OPN3: variants seen among roughly 807,000 people sequenced by gnomAD.
The protein encoded by OPN3 is opsin 3, also known as opsin-3.
In OPN3, 29 loss-of-function variants were observed where a neutral mutation model predicts 33.8. The observed-to-expected ratio is 0.86, with a 90% CI of 0.64 to 1.17. OPN3 has a LOEUF of 1.17. OPN3 is among the 50% of genes most tolerant of loss of function. The probability of loss-of-function intolerance (pLI) is 0.00; values close to 1 mark genes in which losing one functional copy is unlikely to be tolerated. For synonymous variants in OPN3, 216 were observed against 216.1 expected (o/e 1.00, Z 0.00); for missense variants, 437 against 514.1 (o/e 0.85, Z 1.45).
intron 1 of OPN3, among the ~76,000 whole-genome samples, chr1:241,619,812 C>T (rs1051411367): frequency 6.6e-6 from 1 of 152,156 alleles, no homozygotes; most frequent in African/African-American, 2.4e-5. Context: ...TAAAAGTGTT[C>T]CAGGACAAAT....
At chr1:241,611,493 CAAAAA>C (rs10645786) in intron 1 of OPN3, among the ~76,000 whole-genome samples, 3 of 123,178 alleles carry the variant, frequency 2.4e-5, no homozygotes, top group Non-Finnish European at 5.2e-5. Context: ...TTAACAAGGC[CAAAAA>C]AAAAAAAAAA....
At chr1:241,631,672 A>C (rs947175193) in intron 1 of OPN3, 1 of 152,140 alleles carries the variant, frequency 6.6e-6, no homozygotes, top group Non-Finnish European at 1.5e-5. Flanking sequence ...TCTTCAGATC[A>C]TGAGATGTGT....
chr1:241,610,817 AT>A (rs762621171), intron 1 of OPN3, among the ~76,000 whole-genome samples: 1 of 151,850 alleles, frequency 6.6e-6, no homozygotes, highest in African/African-American at 2.4e-5. Context: ...GATCAATTTC[AT>A]TTTTTTTCAC....
At position 241,639,903 on chromosome 1, in the gene OPN3, C is replaced by G. The variant is rs1314126541; in HGVS notation, c.352G>C (p.Gly118Arg). The G allele has an allele frequency of 1.3e-6, 2 of 1,591,480 alleles. No individual in the cohort carries two copies. The highest frequency in any genetic ancestry group is 1.7e-6 in the Non-Finnish European group (2 of 1,169,340). ...TCACCGAAGAGGCTGCCGCTAAACC[C>G]GTCCCACACGCAGCCCACGGTGTCC... ...VWDTVGCVWD[G>R]FSGSLFGIVS... The change falls in exon 1 of 4, where the codon GGG becomes CGG. Residue 118 changes from glycine to arginine, a missense_variant. Physicochemically the swap from Gly to Arg is moderately radical, Grantham distance 125 (BLOSUM62 -2). Transcript: ENST00000366554.
intron 1 of OPN3, chr1:241,633,854 A>G (rs745548979): frequency 1.9e-6 from 3 of 1,613,720 alleles, no homozygotes; most frequent in Non-Finnish European, 2.5e-6. Context: ...AGAGGATTCT[A>G]GTTTGGCCAT....
intron 1 of OPN3, among the ~76,000 whole-genome samples, chr1:241,626,049 A>G (rs960162041): frequency 1.3e-5 from 2 of 152,114 alleles, no homozygotes; most frequent in African/African-American, 2.4e-5. Context: ...TTTAGATGGA[A>G]CCTCTTATAT....
At chr1:241,627,701 A>G (rs1187848160) in intron 1 of OPN3, among the ~76,000 whole-genome samples, 1 of 152,176 alleles carries the variant, frequency 6.6e-6, no homozygotes, top group Non-Finnish European at 1.5e-5. Flanking sequence ...AAATGTGAAT[A>G]CATTTGGTTG....
intron 1 of OPN3, among the ~76,000 whole-genome samples, chr1:241,605,013 G>A (rs542174818): frequency 4.7e-5 from 7 of 148,888 alleles, no homozygotes; most frequent in African/African-American, 1.5e-4. Context: ...CTGAGATTGC[G>A]CCACTGCACA....
intron 3 of OPN3, chr1:241,595,597 C>G (rs1663482867): frequency 6.6e-6 from 1 of 152,156 alleles, no homozygotes; most frequent in African/African-American, 2.4e-5. Flanking sequence ...AATATATGGA[C>G]TTTCTCAGAT....
chr1:241,624,484 T>G (rs1558443686), intron 1 of OPN3, among the ~76,000 whole-genome samples: 1 of 152,196 alleles, frequency 6.6e-6, no homozygotes, highest in Non-Finnish European at 1.5e-5. Context: ...TTCCTAGATT[T>G]CCCTAGCAGG....
intron 1 of OPN3, among the ~76,000 whole-genome samples, chr1:241,621,877 T>A (rs983388863): frequency 1.3e-5 from 2 of 152,152 alleles, no homozygotes; most frequent in African/African-American, 2.4e-5. Context: ...TGGGATCAGT[T>A]CTGATCAACT....
rs750962346 is a variant in OPN3, at chr1:241,597,877, T to A, written c.814A>T (p.Ile272Phe). The A allele has an allele frequency of 5.6e-6, 9 of 1,613,844 alleles. No homozygotes were observed. In the Admixed American group the frequency reaches 1.2e-4, roughly 21 times the overall value. ...TTAACCACCAAGAAGCAGATCACGATATAAGGCATCCAACAGACCAGGAAG... is the reference window on the plus strand; with the variant it reads ...TTAACCACCAAGAAGCAGATCACGAAATAAGGCATCCAACAGACCAGGAAG... ...FTFLVCWMPYIVICFLVVNGH... is the reference protein window; with the variant it reads ...FTFLVCWMPYFVICFLVVNGH... The change falls in exon 3 of 4, where the codon ATC becomes TTC. Residue 272 changes from isoleucine (I) to phenylalanine (F), a missense_variant. Coordinates refer to ENST00000366554, the MANE Select transcript of OPN3 (RefSeq NM_014322.3).
chr1:241,640,259 C>T lies in OPN3; in HGVS notation c.-5G>A, dbSNP rs1665073916. Reference sequence around the variant, plus strand: ...GCTGCGGTTCCCCGAGTACATGGCCCGGCGCCGGCGCGCCTGGCGGGCGGA... The same window carrying T: ...GCTGCGGTTCCCCGAGTACATGGCCTGGCGCCGGCGCGCCTGGCGGGCGGA... On this transcript the variant is annotated 5_prime_UTR_variant, in exon 1 of 4. Transcript: ENST00000366554. The T allele has an allele frequency of 8.3e-7, 1 of 1,200,224 alleles. No individual in the cohort carries two copies. The highest frequency in any genetic ancestry group is 1.0e-6 in the Non-Finnish European group (1 of 969,716). 74.3% of individuals were successfully genotyped at this position (1,200,224 alleles called of 1,614,324 possible).
intron 2 of OPN3, among the ~76,000 whole-genome samples, chr1:241,602,252 C>G (rs770487478): frequency 2.6e-5 from 4 of 152,094 alleles, no homozygotes; most frequent in Non-Finnish European, 5.9e-5. Context: ...GAATCGATGG[C>G]AGGAGACCAC....
chr1:241,634,524 ATTCT>A (rs1664793684), intron 1 of OPN3: 2 of 1,613,978 alleles, frequency 1.2e-6, no homozygotes, highest in African/African-American at 1.3e-5. Context: ...CATCGTCCAG[ATTCT>A]TTGTCGACTA....
chr1:241,606,254 AG>A (rs1327930950), intron 1 of OPN3, among the ~76,000 whole-genome samples: 1 of 152,164 alleles, frequency 6.6e-6, no homozygotes, highest in Non-Finnish European at 1.5e-5. Context: ...AGTAACTTTG[AG>A]GTTTTTGGCT....
chr1:241,597,875 G>T lies in OPN3; in HGVS notation c.816C>A (p.Ile272=). Residue 272 remains isoleucine, a synonymous_variant, in exon 3 of 4, where the codon ATC becomes ATA. Coordinates refer to ENST00000366554, the MANE Select transcript of OPN3 (RefSeq NM_014322.3). ...FTFLVCWMPY[I]VICFLVVNGH... ...CATTAACCACCAAGAAGCAGATCAC[G>T]ATATAAGGCATCCAACAGACCAGGA... 3 of 1,613,850 alleles carry T rather than the reference G, an allele frequency of 1.9e-6. No homozygotes were observed. Among genetic ancestry groups the T allele is most frequent in the Non-Finnish European group, 1.7e-6 (2 of 1,179,946 alleles).
chr1:241,634,016 A>C lies in OPN3; in HGVS notation c.373+5866T>G, dbSNP rs1278882189. The C allele has an allele frequency of 2.5e-6, 4 of 1,613,870 alleles. No individual in the cohort carries two copies. The South Asian group carries it at 4.4e-5, about 18-fold the overall frequency. ...TTGCTTGACAGCATGCTCATTTCCCAGGCCACAGTCAGGCCCAGAGCAGAC... is the reference window on the plus strand; with the variant it reads ...TTGCTTGACAGCATGCTCATTTCCCCGGCCACAGTCAGGCCCAGAGCAGAC... On this transcript the variant is annotated intron_variant, in intron 1 of 3. Coordinates refer to ENST00000366554, the MANE Select transcript of OPN3 (RefSeq NM_014322.3).
chr1:241,596,579 G>A (rs1663518550), intron 3 of OPN3, among the ~76,000 whole-genome samples: 1 of 152,156 alleles, frequency 6.6e-6, no homozygotes, highest in Non-Finnish European at 1.5e-5. Flanking sequence ...ACATAATAAG[G>A]TTATTACAAA....
Sources: allele counts gnomAD v4.1 joint callset (sites outside exome capture counted in the v4.1 genomes callset), GRCh38; gene constraint gnomAD v4.1.1; transcripts MANE v1.5; gene names NCBI Gene and HGNC (gene_info 2026-07-23, HGNC 2026-07-21).